The following MAP3K14 variants were observed in gnomAD, a reference collection of about 807,000 sequenced individuals.
MAP3K14 encodes the protein NF-kappa-beta-inducing kinase.
A neutral mutation model predicts 99.2 loss-of-function variants in MAP3K14; 16 were observed. The observed-to-expected ratio is 0.16, with a 90% confidence interval of 0.11 to 0.24. MAP3K14 has a LOEUF of 0.24. Ranked by LOEUF, MAP3K14 falls within the 10% of genes least tolerant of loss-of-function variation. MAP3K14 has a pLI of 1.00. For missense variants in MAP3K14, 784 were observed against 1,208.7 expected (o/e 0.65, Z 5.21); for synonymous variants, 462 against 492.4 (o/e 0.94, Z 0.82).
At chr17:45,301,828 G>T (rs2044390555) in intron 1 of MAP3K14, among the ~76,000 whole-genome samples, 1 of 145,006 alleles carries the variant, frequency 6.9e-6, no homozygotes, top group Non-Finnish European at 1.5e-5. Flanking sequence ...AGTTTTCTCA[G>T]TTCTCTTTTT....
At chr17:45,265,504 C>T (rs1037471763) in intron 14 of MAP3K14, among the ~76,000 whole-genome samples, 2 of 152,226 alleles carry the variant, frequency 1.3e-5, no homozygotes, top group Non-Finnish European at 2.9e-5. Context: ...GTGGCGTGAT[C>T]TCAGTTCACT....
At chr17:45,296,252 C>T (rs1478706255) in intron 1 of MAP3K14, among the ~76,000 whole-genome samples, 5 of 152,096 alleles carry the variant, frequency 3.3e-5, no homozygotes, top group Admixed American at 2.0e-4. Context: ...GGGCTGGGTG[C>T]GGTGGCTCAC....
intron 1 of MAP3K14, among the ~76,000 whole-genome samples, chr17:45,298,585 G>A (rs999800653): frequency 6.6e-6 from 1 of 152,206 alleles, no homozygotes; most frequent in African/African-American, 2.4e-5. Flanking sequence ...ATCACTTCTA[G>A]GCACCCGATA....
At position 45,266,643 on chromosome 17, in the gene MAP3K14, C is replaced by T; in HGVS notation, c.2472G>A (p.Leu824=). The part of the protein sequence containing the change: ...SKASQSSRDT[L]SSGVHSWSSQ... ...TGCTCCAGGAGTGTACGCCTGAGCT[C>T]AGGGTGTCCCGCGAGCTTTGAGAGG... The change falls in exon 14 of 16, where the codon CTG becomes CTA. Residue 824 remains leucine, a synonymous_variant. Coordinates refer to ENST00000344686, the MANE Select transcript of MAP3K14 (RefSeq NM_003954.5). 1.2e-6 allele frequency: 2 copies of T among 1,613,018 alleles called. No homozygotes were observed. Among genetic ancestry groups the T allele is most frequent in the South Asian group, 2.2e-5 (2 of 91,038 alleles).
intron 1 of MAP3K14, among the ~76,000 whole-genome samples, chr17:45,293,181 A>G (rs753973726): frequency 1.3e-5 from 2 of 152,234 alleles, no homozygotes; most frequent in Non-Finnish European, 2.9e-5. Context: ...CCGAATGCTG[A>G]GGAGGAAGAG....
chr17:45,271,888 C>T (rs955879291), intron 9 of MAP3K14, among the ~76,000 whole-genome samples: 2 of 152,076 alleles, frequency 1.3e-5, no homozygotes, highest in African/African-American at 4.8e-5. Context: ...GTAAGAAATA[C>T]TAGTAAGTGA....
intron 1 of MAP3K14, among the ~76,000 whole-genome samples, chr17:45,299,395 TA>T (rs1465412192): frequency 6.6e-6 from 1 of 150,532 alleles, no homozygotes; most frequent in Non-Finnish European, 1.5e-5. Flanking sequence ...TTTATGAAAA[TA>T]AAAAAAAAGA....
chr17:45,298,587 C>G (rs1052349474), intron 1 of MAP3K14, among the ~76,000 whole-genome samples: 6 of 152,352 alleles, frequency 3.9e-5, no homozygotes, highest in Admixed American at 3.9e-4. Context: ...CACTTCTAGG[C>G]ACCCGATAAA....
At chr17:45,294,745 G>C (rs1485684619) in intron 1 of MAP3K14, among the ~76,000 whole-genome samples, 1 of 152,246 alleles carries the variant, frequency 6.6e-6, no homozygotes, top group African/African-American at 2.4e-5. Context: ...AAGTTCTCTG[G>C]ATGATTCTGA....
Position 45,290,770 on chromosome 17 carries a change from G to C in MAP3K14, c.-20-5C>G. On this transcript the variant is annotated splice_polypyrimidine_tract_variant and splice_region_variant and intron_variant, in intron 1 of 15. Coordinates refer to ENST00000344686, the MANE Select transcript of MAP3K14 (RefSeq NM_003954.5). ...TCTCCCAGGCTTGTGCTCATCCTGAGAGAGACCAAACACAGAGCAGGTCAC... is the reference window on the plus strand; with the variant it reads ...TCTCCCAGGCTTGTGCTCATCCTGACAGAGACCAAACACAGAGCAGGTCAC... 1 of 1,608,204 alleles carries C rather than the reference G, an allele frequency of 6.2e-7. No individual in the cohort carries two copies. Among genetic ancestry groups the C allele is most frequent in the Non-Finnish European group, 8.5e-7 (1 of 1,175,760 alleles).
At chr17:45,270,871 C>A in intron 10 of MAP3K14, 187 bp downstream of exon 10, 1 of 871,338 alleles carries the variant, frequency 1.1e-6, no homozygotes, top group Non-Finnish European at 1.8e-6. Flanking sequence ...ACTTGGTGAG[C>A]CTCCGCAGCT....
intron 6 of MAP3K14, among the ~76,000 whole-genome samples, chr17:45,282,829 T>C (rs2044234059): frequency 6.6e-6 from 1 of 152,180 alleles, no homozygotes. Context: ...TTTCTCCTGC[T>C]CTTCCAGCTG....
chr17:45,266,484 C>T, intron 14 of MAP3K14, 53 bp downstream of exon 14: 3 of 1,560,244 alleles, frequency 1.9e-6, no homozygotes, highest in South Asian at 1.2e-5. Context: ...TGTCTAGCTC[C>T]AGGCAGATCA....
chr17:45,277,794 C>T (rs1006290111), intron 6 of MAP3K14, among the ~76,000 whole-genome samples: 15 of 152,156 alleles, frequency 9.9e-5, no homozygotes, highest in Admixed American at 4.6e-4. Context: ...AGTACGATCA[C>T]GCACGTGACA....
intron 1 of MAP3K14, among the ~76,000 whole-genome samples, chr17:45,313,324 C>G (rs1419773283): frequency 6.6e-6 from 1 of 152,168 alleles, no homozygotes; most frequent in Non-Finnish European, 1.5e-5. Flanking sequence ...ACACCACCAA[C>G]AAGAACAACA....
At chr17:45,314,451 G>A (rs1057299642) in intron 1 of MAP3K14, among the ~76,000 whole-genome samples, 4 of 152,074 alleles carry the variant, frequency 2.6e-5, no homozygotes, top group African/African-American at 9.7e-5. Flanking sequence ...AATTGTCCCC[G>A]GCCCACCAAT....
intron 8 of MAP3K14, 148 bp from the exon 9 acceptor site, chr17:45,273,755 G>T (rs1199742584): frequency 2.8e-6 from 2 of 716,316 alleles, no homozygotes; most frequent in African/African-American, 1.7e-5. Context: ...TTCATTAATC[G>T]TGGAGGAAGG....
intron 6 of MAP3K14, among the ~76,000 whole-genome samples, chr17:45,276,341 C>A (rs968004622): frequency 1.3e-5 from 2 of 152,184 alleles, no homozygotes; most frequent in Admixed American, 6.5e-5. Flanking sequence ...GACTTCCCAT[C>A]CACATATTTC....
rs571609843 is a variant in MAP3K14, at chr17:45,267,105, T to G, written c.2420A>C (p.Asp807Ala). 7 of 1,585,836 alleles carry G rather than the reference T, an allele frequency of 4.4e-6. No homozygotes were observed. The highest frequency in any genetic ancestry group is 6.0e-6 in the Non-Finnish European group (7 of 1,165,834). ...CLSIDSLSLSDDSEKNPSKAS... is the reference protein window; with the variant it reads ...CLSIDSLSLSADSEKNPSKAS... ...CAACCGACTCACCTTCTCACTGTCA[T>G]CCGACAGGGAGAGGCTGTCGATGCT... Residue 807 changes from aspartate (D) to alanine (A), a missense_variant, in exon 13 of 16, where the codon GAT (aspartate) becomes GCT (alanine). Physicochemically the swap from Asp to Ala is moderately radical, Grantham distance 126. Transcript: ENST00000344686. This position sits in a 1 kb window ranked among gnomAD's most constrained non-coding sequence, Gnocchi z 5.1.
Sources: gnomAD v4.1 joint callset for allele counts (sites outside exome capture counted in the v4.1 genomes callset) on GRCh38, gnomAD v4.1.1 for gene constraint, Gnocchi (gnomAD v3.1) non-coding constraint, MANE v1.5 for transcripts, NCBI Gene and HGNC (gene_info 2026-07-23, HGNC 2026-07-21) for gene names.